Variants in TRIM66 observed in about 807,000 individuals in gnomAD.
The protein encoded by TRIM66 is tripartite motif-containing protein 66.
TRIM66 carries 99 observed loss-of-function variants against 148.2 expected under a neutral mutation model. That is an observed-to-expected ratio of 0.67 (90% CI 0.57 to 0.79). The LOEUF (loss-of-function observed/expected upper bound fraction) is 0.79. TRIM66 is among the 30% of genes least tolerant of loss of function. TRIM66 has a pLI of 0.00. For synonymous variants in TRIM66, 616 were observed against 635.9 expected, an observed-to-expected ratio of 0.97 and a Z score of 0.47; for missense variants, 1,666 against 1,697.9, an observed-to-expected ratio of 0.98 and a Z score of 0.33.
At chr11:8,628,636 A>AGAGAGAG (rs577838428) in intron 15 of TRIM66, among the ~76,000 whole-genome samples, 24 of 93,382 alleles carry the variant, frequency 2.6e-4, no homozygotes, top group Non-Finnish European at 4.4e-4. Context: ...AAAAAAAAAA[A>AGAGAGAG]AGAGAGAGAA....
intron 6 of TRIM66, among the ~76,000 whole-genome samples, chr11:8,666,341 G>GAAAAAA (rs558326812): frequency 3.0e-4 from 7 of 23,542 alleles, no homozygotes; most frequent in South Asian, 1.7e-3. Context: ...CTCCGCCTCA[G>GAAAAAA]AAAAAAAAAA....
Position 8,672,298 on chromosome 11 carries a change from G to A in TRIM66, c.-24C>T. On this transcript the variant is annotated 5_prime_UTR_variant, in exon 5 of 25. Coordinates refer to ENST00000646038, the MANE Select transcript of TRIM66 (RefSeq NM_001388022.1). Reference sequence around the variant, plus strand: ...ATCTCTGCCGTGGAAAACAAAGCGTGGAGGTGTCTGCTGTTTGTCTGAAGG... The same window carrying A: ...ATCTCTGCCGTGGAAAACAAAGCGTAGAGGTGTCTGCTGTTTGTCTGAAGG... 1 of 1,536,084 alleles carries A rather than the reference G, an allele frequency of 6.5e-7. No individual in the cohort carries two copies. Among genetic ancestry groups the A allele is most frequent in the African/African-American group, 1.4e-5 (1 of 73,144 alleles).
intron 3 of TRIM66, chr11:8,679,328 C>G (rs564743535): frequency 6.6e-6 from 1 of 152,212 alleles, no homozygotes; most frequent in Non-Finnish European, 1.5e-5. Flanking sequence ...GACAACTACC[C>G]AGGGTACTCC....
rs756052877 is a variant in TRIM66, at chr11:8,648,534, G to A, written c.607C>T (p.Pro203Ser). ...QKGSPGVNGG[P>S]GDFTLYCPLH... is the part of the protein sequence containing the mutation. ...GGACAATACAAGGTGAAGTCTCCGGGACCACCATTCACTCCTGCCAGAGAA... is the reference window on the plus strand; with the variant it reads ...GGACAATACAAGGTGAAGTCTCCGGAACCACCATTCACTCCTGCCAGAGAA... Residue 203 changes from proline to serine, a missense_variant, in exon 9 of 25, where the codon CCC (proline) becomes TCC (serine). Physicochemically the swap from Pro to Ser is moderately conservative, Grantham distance 74 (BLOSUM62 -1). Coordinates refer to ENST00000646038, the MANE Select transcript of TRIM66 (RefSeq NM_001388022.1). 4.3e-5 allele frequency: 66 copies of A among 1,551,626 alleles called. No homozygotes were observed. In the Middle Eastern group the frequency reaches 1.8e-3, roughly 43 times the overall value.
At chr11:8,649,276 T>C (rs778842498) in intron 8 of TRIM66, among the ~76,000 whole-genome samples, 1 of 151,454 alleles carries the variant, frequency 6.6e-6, no homozygotes, top group Non-Finnish European at 1.5e-5. Context: ...GAGGTGGAGG[T>C]TGTAGTGAGC....
At chr11:8,648,215 G>A (rs1197416089) in intron 9 of TRIM66, 129 bp from the exon 10 acceptor site, 1 of 1,157,808 alleles carries the variant, frequency 8.6e-7, no homozygotes, top group Non-Finnish European at 1.2e-6. Context: ...TCTAGGGAAA[G>A]TCTAAGGCAC....
At chr11:8,662,679 A>G (rs1289856372) in intron 6 of TRIM66, among the ~76,000 whole-genome samples, 1 of 152,256 alleles carries the variant, frequency 6.6e-6, no homozygotes, top group Non-Finnish European at 1.5e-5. Flanking sequence ...CTAAACAAGT[A>G]GATTCTGAAA....
intron 15 of TRIM66, among the ~76,000 whole-genome samples, chr11:8,634,340 G>T (rs1428800630): frequency 2.6e-5 from 4 of 152,140 alleles, no homozygotes; most frequent in Non-Finnish European, 4.4e-5. Flanking sequence ...TAATTTTCTT[G>T]TGTTTTTTTG....
chr11:8,651,491 G>A (rs544333894), intron 7 of TRIM66, among the ~76,000 whole-genome samples: 30 of 152,232 alleles, frequency 2.0e-4, no homozygotes, highest in South Asian at 6.2e-4. Context: ...AGCAAGAGCT[G>A]TAAGAGAGAG....
At position 8,612,404 on chromosome 11, in the gene TRIM66, T is replaced by C. The variant is rs2033452296; in HGVS notation, c.*5540A>G. 6.6e-6 allele frequency: 1 copy of C among 152,188 alleles called. No individual in the cohort carries two copies. Among genetic ancestry groups the C allele is most frequent in the Non-Finnish European group, 1.5e-5 (1 of 68,048 alleles). 9.4% of individuals were successfully genotyped at this position (152,188 alleles called of 1,614,324 possible). A position where few individuals can be genotyped will look rare whatever the true frequency, so the allele number is the denominator to read the frequency against. On this transcript the variant is annotated 3_prime_UTR_variant, in exon 25 of 25. Coordinates refer to ENST00000646038, the MANE Select transcript of TRIM66 (RefSeq NM_001388022.1). ...AGAGTTAAAATCATAATTAACATCT[T>C]TACAGCTGGAGAGCTGAGAGATCAC...
chr11:8,682,700 G>GC (rs2039502869), upstream of TRIM66: 3 of 1,277,820 alleles, frequency 2.3e-6, no homozygotes, highest in East Asian at 7.1e-5. Flanking sequence ...AGACCAGGAG[G>GC]CCCCGCCCGA....
At chr11:8,667,334 A>G (rs1188788069) in intron 6 of TRIM66, among the ~76,000 whole-genome samples, 1 of 152,228 alleles carries the variant, frequency 6.6e-6, no homozygotes, top group Non-Finnish European at 1.5e-5. Flanking sequence ...AGACAACAAC[A>G]ACAAAAAACA....
At chr11:8,641,912 A>T (rs2036428382) in intron 13 of TRIM66, among the ~76,000 whole-genome samples, 1 of 152,102 alleles carries the variant, frequency 6.6e-6, no homozygotes, top group Non-Finnish European at 1.5e-5. Context: ...CATGATTGTA[A>T]GTTTCCTGAG....
Position 8,646,510 on chromosome 11 carries a change from C to T in TRIM66, c.894G>A (p.Met298Ile). The change falls in exon 11 of 25, where the codon ATG becomes ATA. Residue 298 changes from methionine (M) to isoleucine (I), a missense_variant. By Grantham distance (10) the Met-to-Ile change is conservative (BLOSUM62 1). This residue lies in a region of TRIM66 where 1,431 missense variants were observed against 1,412.4 expected (regional missense o/e 1.01). Transcript: ENST00000646038. ...QHRKVENQIK[M>I]AKMVLMNELN... ...GCTCATTCATCAGAACCATCTTGGC[C>T]ATTTTGATCTGGTTTTCCACCTTCC... is the stretch of plus-strand genomic sequence containing the variant. 1 of 1,552,126 alleles carries T rather than the reference C, an allele frequency of 6.4e-7. No homozygotes were observed.
At chr11:8,641,314 C>A (rs2036371840) in intron 13 of TRIM66, among the ~76,000 whole-genome samples, 162 bp from the exon 14 acceptor site, 1 of 152,092 alleles carries the variant, frequency 6.6e-6, no homozygotes, top group Non-Finnish European at 1.5e-5. Context: ...TAGAATGCTG[C>A]CAGTAATAGC....
At chr11:8,682,874 TC>T, upstream of TRIM66, 1 of 1,570,088 alleles carries the variant, frequency 6.4e-7, no homozygotes, top group South Asian at 1.2e-5. Context: ...TAAGCTGTAT[TC>T]CCATTGCCCC....
chr11:8,668,043 C>T (rs778820442), intron 6 of TRIM66, among the ~76,000 whole-genome samples: 1 of 152,198 alleles, frequency 6.6e-6, no homozygotes, highest in Non-Finnish European at 1.5e-5. Context: ...CACAAATATT[C>T]CAATTTCTCT....
chr11:8,675,361 C>G (rs1375375816), intron 3 of TRIM66, among the ~76,000 whole-genome samples: 1 of 152,208 alleles, frequency 6.6e-6, no homozygotes, highest in Non-Finnish European at 1.5e-5. Flanking sequence ...AATTCCCAAG[C>G]CTGAATAACC....
chr11:8,652,439 A>G (rs1041719308), intron 6 of TRIM66, among the ~76,000 whole-genome samples: 1 of 152,178 alleles, frequency 6.6e-6, no homozygotes, highest in Non-Finnish European at 1.5e-5. Context: ...CTCTTAGTAC[A>G]GCATATACCA....
Sources: allele counts gnomAD v4.1 joint callset (sites outside exome capture counted in the v4.1 genomes callset), GRCh38; gene constraint gnomAD v4.1.1; regional missense constraint gnomAD v4.1.1; transcripts MANE v1.5; gene names NCBI Gene and HGNC (gene_info 2026-07-23, HGNC 2026-07-21).